KIF21B: variants seen among roughly 807,000 people sequenced by gnomAD.
The protein encoded by KIF21B is kinesin family member 21B, also known as kinesin-like protein KIF21B.
KIF21B carries 85 observed loss-of-function variants against 192.9 expected under a neutral mutation model. The ratio of observed to expected loss-of-function variants is 0.44; its 90% CI spans 0.37 to 0.53. The LOEUF (loss-of-function observed/expected upper bound fraction) is 0.53. KIF21B is among the 20% of genes least tolerant of loss of function. The pLI is 0.00. For synonymous variants in KIF21B, 832 were observed against 884.6 expected (o/e 0.94, Z 1.05); for missense variants, 1,716 against 2,194.8 (o/e 0.78, Z 4.36).
intron 34 of KIF21B, chr1:200,973,781 C>T: frequency 2.8e-6 from 4 of 1,442,950 alleles, no homozygotes; most frequent in Non-Finnish European, 3.6e-6. Context: ...TCAGAGGCCC[C>T]CAGGGGAGCT....
rs893133866 is a variant in KIF21B, at chr1:201,003,890, GC to G, written c.1017-110del. 4.4e-6 allele frequency: 5 copies of G among 1,148,998 alleles called. No individual in the cohort carries two copies. The African/African-American group carries it at 7.6e-5, about 17-fold the overall frequency. 71.2% of individuals were successfully genotyped at this position (1,148,998 alleles called of 1,614,324 possible). A position where few individuals can be genotyped will look rare whatever the true frequency, so the allele number is the denominator to read the frequency against. ...CATCCCATTCCCCCACTACCTTAAT[GC>G]CCAAAGCACGTGGGCATTCAGGACA... On this transcript the variant is annotated intron_variant, in intron 7 of 34. Transcript: ENST00000461742.
intron 26 of KIF21B, 52 bp downstream of exon 26, chr1:200,986,792 C>A: frequency 6.7e-7 from 1 of 1,482,664 alleles, no homozygotes. Flanking sequence ...CTCATGTAAC[C>A]AAGAACTAGA....
intron 8 of KIF21B, chr1:201,002,680 GT>G: frequency 3.6e-6 from 1 of 274,364 alleles, no homozygotes; most frequent in Non-Finnish European, 7.1e-6. Context: ...CTGCCAGGCA[GT>G]TGGCATAAAT....
intron 1 of KIF21B, among the ~76,000 whole-genome samples, chr1:201,019,524 C>T (rs988967473): frequency 6.6e-6 from 1 of 152,136 alleles, no homozygotes. Context: ...GCACATATCA[C>T]CTCTGCCACC....
chr1:200,996,433 C>G (rs1176484413), intron 14 of KIF21B, 38 bp from the exon 15 acceptor site: 2 of 1,582,262 alleles, frequency 1.3e-6, no homozygotes, highest in Non-Finnish European at 1.7e-6. Flanking sequence ...TGCTGGGTCC[C>G]TAAGGGCTCC....
Position 201,000,196 on chromosome 1 carries a change from G to T in KIF21B, c.1685+194C>A, listed in dbSNP as rs760523121. 1.3e-5 allele frequency among the ~76,000 whole-genome samples: 2 copies of T among 152,154 alleles called. No individual in the cohort carries two copies. Among genetic ancestry groups the T allele is most frequent in the African/African-American group, 2.4e-5 (1 of 41,444 alleles). Reference sequence around the variant, plus strand: ...GAAAGCAGATGGCATAGGAGAACGTGGGGGAGGGAGGTTGCCCAAAAGGCT... The same window carrying T: ...GAAAGCAGATGGCATAGGAGAACGTTGGGGAGGGAGGTTGCCCAAAAGGCT... On this transcript the variant is annotated intron_variant, in intron 11 of 34. Coordinates refer to ENST00000461742, the MANE Select transcript of KIF21B (RefSeq NM_001252102.2). This position sits in a 1 kb window ranked among gnomAD's most constrained non-coding sequence, Gnocchi z 6.0.
chr1:201,007,465 C>G (rs1021497882), intron 3 of KIF21B, among the ~76,000 whole-genome samples: 3 of 151,208 alleles, frequency 2.0e-5, no homozygotes, highest in African/African-American at 7.3e-5. Flanking sequence ...TACACACACA[C>G]AGACACAGAG....
At chr1:201,004,478 C>T (rs1313224182) in intron 6 of KIF21B, 23 bp from the exon 7 acceptor site, 2 of 1,543,744 alleles carry the variant, frequency 1.3e-6, no homozygotes, top group Admixed American at 3.9e-5. Context: ...GACCCTGGCA[C>T]TCAGCAGTCA....
chr1:200,991,227 C>T, intron 17 of KIF21B, 78 bp from the exon 18 acceptor site: 2 of 1,181,190 alleles, frequency 1.7e-6, no homozygotes, highest in South Asian at 2.7e-5. Context: ...GGTTGGGGTG[C>T]CGGGCAGCAG....
intron 1 of KIF21B, among the ~76,000 whole-genome samples, chr1:201,010,394 C>T (rs937597921): frequency 5.9e-5 from 9 of 152,100 alleles, no homozygotes; most frequent in Non-Finnish European, 1.2e-4. Flanking sequence ...GGCATCAGGA[C>T]TGAGAAGCCA....
intron 16 of KIF21B, 88 bp downstream of exon 16, chr1:200,992,194 G>C: frequency 1.7e-6 from 2 of 1,154,626 alleles, no homozygotes; most frequent in Non-Finnish European, 2.5e-6. Context: ...ACTGAGGCCC[G>C]CTTGGTCAGG....
At position 200,980,903 on chromosome 1, in the gene KIF21B, G is replaced by A. The variant is rs2102385716; in HGVS notation, c.3979+57C>T. The A allele has an allele frequency of 2.5e-6, 4 of 1,574,580 alleles. No homozygotes were observed. The Admixed American group carries it at 6.0e-5, about 24-fold the overall frequency. Reference sequence around the variant, plus strand: ...TCCTTCACAGACCACTCTGACAAAGGAAGCAGGGGTGAGTAGGAGACCCCA... The same window carrying A: ...TCCTTCACAGACCACTCTGACAAAGAAAGCAGGGGTGAGTAGGAGACCCCA... On this transcript the variant is annotated intron_variant, in intron 29 of 34. Transcript: ENST00000461742.
At chr1:201,013,352 G>A (rs559356507) in intron 1 of KIF21B, among the ~76,000 whole-genome samples, 1 of 151,974 alleles carries the variant, frequency 6.6e-6, no homozygotes, top group Non-Finnish European at 1.5e-5. Context: ...CTCTTCTCCC[G>A]GCCCCACCCT....
intron 8 of KIF21B, chr1:201,003,225 C>T: frequency 3.0e-6 from 1 of 335,344 alleles, no homozygotes; most frequent in Non-Finnish European, 5.7e-6. Flanking sequence ...CGATTCTGTG[C>T]CAGTCTAGCA....
chr1:200,997,290 C>T (rs1657126365), intron 14 of KIF21B, among the ~76,000 whole-genome samples: 1 of 152,154 alleles, frequency 6.6e-6, no homozygotes, highest in South Asian at 2.1e-4. Context: ...CATCCTGGTC[C>T]CCTTATCGTT....
chr1:200,970,648 T>C lies in KIF21B; in HGVS notation c.*2873A>G, dbSNP rs915368443. 1 of 152,498 alleles carries C rather than the reference T, an allele frequency of 6.6e-6. No homozygotes were observed. Among genetic ancestry groups the C allele is most frequent in the Non-Finnish European group, 1.5e-5 (1 of 68,138 alleles). 9.4% of individuals were successfully genotyped at this position (152,498 alleles called of 1,614,324 possible). ...CCCAAGGGCAGTGGGGATGGAAGAC[T>C]CCTTCTATCCAGGGAACCCGCTCAT... On this transcript the variant is annotated 3_prime_UTR_variant, in exon 35 of 35. Transcript: ENST00000461742.
Position 201,000,782 on chromosome 1 carries a change from T to G in KIF21B, c.1403-2A>C. On this transcript the variant is annotated splice_acceptor_variant, in intron 9 of 34. Coordinates refer to ENST00000461742, the MANE Select transcript of KIF21B (RefSeq NM_001252102.2). LOFTEE classifies it high-confidence loss of function. This position sits in a 1 kb window ranked among gnomAD's most constrained non-coding sequence, Gnocchi z 6.0. ...CACCAATGGCCTCATTGCCATCGCCTGGAGTGGGACGGCGGGAAGAAGGGT... is the reference window on the plus strand; with the variant it reads ...CACCAATGGCCTCATTGCCATCGCCGGGAGTGGGACGGCGGGAAGAAGGGT... 6.2e-7 allele frequency: 1 copy of G among 1,614,128 alleles called. No homozygotes were observed. The highest frequency in any genetic ancestry group is 8.5e-7 in the Non-Finnish European group (1 of 1,179,974).
At chr1:200,976,974 A>G (rs1655594169) in intron 31 of KIF21B, 81 bp from the exon 32 acceptor site, 1 of 1,126,130 alleles carries the variant, frequency 8.9e-7, no homozygotes, top group South Asian at 1.4e-5. Flanking sequence ...CCCCAAAACA[A>G]ATAGGCCTGG....
chr1:201,014,846 A>C (rs1421243189), intron 1 of KIF21B, among the ~76,000 whole-genome samples: 1 of 152,260 alleles, frequency 6.6e-6, no homozygotes, highest in Non-Finnish European at 1.5e-5. Flanking sequence ...GAGAGGTCAC[A>C]GGCTATGGTA....
Sources: gnomAD v4.1 joint callset for allele counts (sites outside exome capture counted in the v4.1 genomes callset) on GRCh38, gnomAD v4.1.1 for gene constraint, Gnocchi (gnomAD v3.1) non-coding constraint, MANE v1.5 for transcripts, NCBI Gene and HGNC (gene_info 2026-07-23, HGNC 2026-07-21) for gene names.